Variants in AGBL1 observed in about 807,000 individuals in gnomAD.
AGBL1 encodes the protein cytosolic carboxypeptidase 4.
A neutral mutation model predicts 118.9 loss-of-function variants in AGBL1; 130 were observed. The observed-to-expected ratio is 1.09, with a 90% CI of 0.95 to 1.26. AGBL1 has a LOEUF of 1.26. Ranked by LOEUF, AGBL1 falls within the 50% of genes most tolerant of loss-of-function variation. AGBL1 has a pLI of 0.00. For synonymous variants in AGBL1, 555 were observed against 478.9 expected (o/e 1.16, Z -2.08); for missense variants, 1,584 against 1,298.1 (o/e 1.22, Z -3.38).
intron 18 of AGBL1, among the ~76,000 whole-genome samples, chr15:86,418,175 G>T (rs1310175574): frequency 6.6e-6 from 1 of 152,102 alleles, no homozygotes; most frequent in Non-Finnish European, 1.5e-5. Context: ...TTTTTATCAT[G>T]TCATTGATAC....
intron 18 of AGBL1, among the ~76,000 whole-genome samples, chr15:86,513,892 C>T (rs1315371992): frequency 6.6e-6 from 1 of 152,020 alleles, no homozygotes; most frequent in East Asian, 1.9e-4. Flanking sequence ...TTCAACATGT[C>T]TCCATTATTT....
chr15:86,895,146 CTT>C (rs1254336134), intron 22 of AGBL1, among the ~76,000 whole-genome samples: 1 of 139,326 alleles, frequency 7.2e-6, no homozygotes, highest in African/African-American at 2.7e-5. Flanking sequence ...TTCTCTTTCT[CTT>C]TTTACTCTTT....
chr15:86,512,080 A>G (rs1211392277), intron 18 of AGBL1, among the ~76,000 whole-genome samples: 1 of 152,006 alleles, frequency 6.6e-6, no homozygotes, highest in Non-Finnish European at 1.5e-5. Flanking sequence ...ATGAAATAAT[A>G]TCTGTGTTCC....
chr15:86,323,696 A>G (rs2080140459), intron 17 of AGBL1, among the ~76,000 whole-genome samples: 2 of 152,190 alleles, frequency 1.3e-5, no homozygotes, highest in African/African-American at 4.8e-5. Context: ...TAGACAATCT[A>G]AAAAGAATAA....
In AGBL1 at chr15:86,437,463, A is replaced by T. The variant is rs191256409; in HGVS notation, c.2555+39917A>T. On this transcript the variant is annotated intron_variant, in intron 18 of 22. Transcript: ENST00000614907. ...CCATCATTTTAAAAATCAGAGTAAG[A>T]TGTAGTCCCTTCTTCACAGTCTGGT... Among the ~76,000 whole-genome samples the T allele has an allele frequency of 1.4e-3, 218 of 152,256 alleles. 3 individuals are homozygous for T. The highest frequency in any genetic ancestry group is 2.9e-3 in the Non-Finnish European group (196 of 68,004).
chr15:86,490,936 C>T (rs2082769998), intron 18 of AGBL1, among the ~76,000 whole-genome samples: 1 of 152,090 alleles, frequency 6.6e-6, no homozygotes. Context: ...ATTGTATCAC[C>T]AGCCTCACTA....
At chr15:86,624,911 C>T (rs548431623) in intron 21 of AGBL1, among the ~76,000 whole-genome samples, 7 of 152,258 alleles carry the variant, frequency 4.6e-5, no homozygotes, top group South Asian at 2.1e-4. Flanking sequence ...TAGAATGTCA[C>T]GGCTGCCAGG....
At chr15:86,737,088 C>T (rs1456561449) in intron 22 of AGBL1, among the ~76,000 whole-genome samples, 1 of 152,122 alleles carries the variant, frequency 6.6e-6, no homozygotes, top group East Asian at 1.9e-4. Flanking sequence ...GTGACACATA[C>T]CTTGTCTTCA....
intron 21 of AGBL1, among the ~76,000 whole-genome samples, chr15:86,657,271 CCAAT>C (rs1249093232): frequency 6.6e-6 from 1 of 152,156 alleles, no homozygotes; most frequent in Non-Finnish European, 1.5e-5. Context: ...TGCCTCCTGG[CCAAT>C]CAGTTTGCCA....
intron 23 of AGBL1, among the ~76,000 whole-genome samples, chr15:86,946,545 T>C (rs930619568): frequency 5.3e-5 from 8 of 152,036 alleles, no homozygotes; most frequent in Non-Finnish European, 1.2e-4. Flanking sequence ...TAGTGGGGAA[T>C]GCTAAGAAAT....
intron 22 of AGBL1, among the ~76,000 whole-genome samples, chr15:86,684,758 A>C (rs139646727): frequency 1.7e-4 from 26 of 152,186 alleles, no homozygotes; most frequent in Non-Finnish European, 2.9e-4. Flanking sequence ...TTTTGGCTTT[A>C]ACATTAGGGA....
intron 5 of AGBL1, among the ~76,000 whole-genome samples, chr15:86,161,996 A>T (rs1416382788): frequency 3.3e-5 from 5 of 152,232 alleles, no homozygotes; most frequent in African/African-American, 1.2e-4. Flanking sequence ...ATCATTATTA[A>T]TACAAATACT....
Position 86,606,013 on chromosome 15 carries a change from G to T in AGBL1, c.2994+51476G>T, listed in dbSNP as rs374457186. ...GTGGTGGCAGGCACCTGTAATCCCA[G>T]CTACTAGAGAGGCTGAGGCAGGAGA... On this transcript the variant is annotated intron_variant, in intron 21 of 22. Transcript: ENST00000614907. 7.1e-3 allele frequency among the ~76,000 whole-genome samples: 1,074 copies of T among 151,512 alleles called. 12 individuals are homozygous for T. The highest frequency in any genetic ancestry group is 0.025 in the African/African-American group (1,034 of 41,258).
rs144722663 is a variant in AGBL1 at position 86,859,306 on chromosome 15, A to G, written c.3159-47781A>G. 4.8e-3 allele frequency among the ~76,000 whole-genome samples: 738 copies of G among 152,328 alleles called. 4 individuals are homozygous for G. Among genetic ancestry groups the G allele is most frequent in the African/African-American group, 0.014 (583 of 41,572 alleles). On this transcript the variant is annotated intron_variant, in intron 22 of 22. Coordinates refer to ENST00000614907, the MANE Select transcript of AGBL1 (RefSeq NM_001386094.1). ...AGGCAGTGATGACCTAGACATTCAC[A>G]TCTGTGCAAAGGATATTCATGGGCA...
At chr15:86,755,310 CT>C (rs1337613614) in intron 22 of AGBL1, among the ~76,000 whole-genome samples, 1 of 152,054 alleles carries the variant, frequency 6.6e-6, no homozygotes, top group Non-Finnish European at 1.5e-5. Context: ...TGTGGAAATT[CT>C]ATTCTATACT....
chr15:86,105,484 G>A (rs913211025), intron 1 of AGBL1, among the ~76,000 whole-genome samples: 1 of 152,188 alleles, frequency 6.6e-6, no homozygotes, highest in Admixed American at 6.5e-5. Context: ...TATCCCTGAG[G>A]AATTTGGACC....
intron 21 of AGBL1, among the ~76,000 whole-genome samples, chr15:86,641,716 A>C (rs2085194459): frequency 6.6e-6 from 1 of 152,138 alleles, no homozygotes; most frequent in Non-Finnish European, 1.5e-5. Flanking sequence ...CAAGAGTTTG[A>C]AACTAGCTTG....
intron 17 of AGBL1, among the ~76,000 whole-genome samples, chr15:86,311,153 T>C (rs1464290995): frequency 6.6e-6 from 1 of 152,186 alleles, no homozygotes; most frequent in Non-Finnish European, 1.5e-5. Flanking sequence ...TGGTTTCCCT[T>C]TGTTCTTGGC....
intron 6 of AGBL1, among the ~76,000 whole-genome samples, chr15:86,237,147 C>A (rs1161291846): frequency 2.0e-5 from 3 of 152,170 alleles, no homozygotes; most frequent in Non-Finnish European, 4.4e-5. Flanking sequence ...ACAAAAACTT[C>A]CCAAGGACCC....
Sources: gnomAD v4.1 joint callset for allele counts (sites outside exome capture counted in the v4.1 genomes callset) on GRCh38, gnomAD v4.1.1 for gene constraint, MANE v1.5 for transcripts, NCBI Gene and HGNC (gene_info 2026-07-23, HGNC 2026-07-21) for gene names.